The following TTC29 variants were observed in gnomAD, a reference collection of about 807,000 sequenced individuals.
TTC29 encodes the protein tetratricopeptide repeat domain 29.
In TTC29, 49 loss-of-function variants were observed where a neutral mutation model predicts 58.1. The ratio of observed to expected loss-of-function variants is 0.84; its 90% CI spans 0.67 to 1.07. TTC29 has a LOEUF of 1.07. Ranked by LOEUF, TTC29 falls within the 50% of genes least tolerant of loss-of-function variation. TTC29 has a pLI of 0.00. For missense variants in TTC29, 582 were observed against 555.6 expected, an observed-to-expected ratio of 1.05 and a Z score of -0.48; for synonymous variants, 209 against 196.8, an observed-to-expected ratio of 1.06 and a Z score of -0.52.
intron 7 of TTC29, among the ~76,000 whole-genome samples, chr4:146,868,007 G>A (rs1299039525): frequency 6.6e-6 from 1 of 152,060 alleles, no homozygotes; most frequent in East Asian, 1.9e-4. Context: ...ACTGATAATG[G>A]ATAACAACCT....
In TTC29 at chr4:146,774,495, G is replaced by A. The variant is rs552239977; in HGVS notation, c.1330+28962C>T. Among the ~76,000 whole-genome samples, 12 of 152,224 alleles carry A rather than the reference G, an allele frequency of 7.9e-5. No individual in the cohort carries two copies. The South Asian group carries it at 2.5e-3, about 32-fold the overall frequency. ...TCATTGTTTACCCAAAAGTCATTCAGGAGCAGGTTAATTTCCATGTAATTG... is the reference window on the plus strand; with the variant it reads ...TCATTGTTTACCCAAAAGTCATTCAAGAGCAGGTTAATTTCCATGTAATTG... On this transcript the variant is annotated intron_variant, in intron 11 of 12. Transcript: ENST00000325106.
intron 8 of TTC29, among the ~76,000 whole-genome samples, chr4:146,842,556 T>C (rs1236155393): frequency 2.6e-5 from 4 of 151,370 alleles, no homozygotes; most frequent in African/African-American, 9.7e-5. Flanking sequence ...CCAGAAGAGT[T>C]TAAATAAACC....
intron 10 of TTC29, among the ~76,000 whole-genome samples, chr4:146,813,490 A>G (rs1289562241): frequency 6.6e-6 from 1 of 152,218 alleles, no homozygotes; most frequent in African/African-American, 2.4e-5. Flanking sequence ...TCTAATTATA[A>G]TTACTATAAT....
chr4:146,878,379 A>G (rs778474275), intron 6 of TTC29, among the ~76,000 whole-genome samples: 4 of 152,144 alleles, frequency 2.6e-5, no homozygotes, highest in Non-Finnish European at 4.4e-5. Flanking sequence ...CTGAAGGCCT[A>G]TTAGGTGCTA....
At chr4:146,742,527 T>C (rs1303299452) in intron 11 of TTC29, among the ~76,000 whole-genome samples, 2 of 152,142 alleles carry the variant, frequency 1.3e-5, no homozygotes, top group Non-Finnish European at 2.9e-5. Context: ...TGAAAAAAAT[T>C]TGTATTCACA....
chr4:146,824,879 T>G (rs1435478139), intron 9 of TTC29, among the ~76,000 whole-genome samples: 1 of 152,208 alleles, frequency 6.6e-6, no homozygotes, highest in Non-Finnish European at 1.5e-5. Flanking sequence ...ATTTTCTAGT[T>G]TATTTGTGTA....
intron 11 of TTC29, among the ~76,000 whole-genome samples, chr4:146,783,345 T>G (rs914497519): frequency 4.6e-5 from 7 of 151,918 alleles, no homozygotes; most frequent in South Asian, 2.1e-4. Context: ...TCTTCATTTT[T>G]TTTTTTTATG....
intron 11 of TTC29, among the ~76,000 whole-genome samples, chr4:146,755,868 G>A (rs1366988533): frequency 1.3e-5 from 2 of 152,032 alleles, no homozygotes; most frequent in Non-Finnish European, 2.9e-5. Context: ...ATTTTTGGAA[G>A]CTGCAACCCC....
At chr4:146,830,873 T>A (rs1390894738) in intron 9 of TTC29, among the ~76,000 whole-genome samples, 4 of 152,222 alleles carry the variant, frequency 2.6e-5, no homozygotes, top group African/African-American at 9.6e-5. Context: ...AGAATTTACA[T>A]CAAAGCATTT....
intron 10 of TTC29, among the ~76,000 whole-genome samples, chr4:146,806,273 C>T: frequency 6.6e-6 from 1 of 152,314 alleles, no homozygotes; most frequent in South Asian, 2.1e-4. Flanking sequence ...CTAGCTACTG[C>T]AAAAACACCG....
intron 11 of TTC29, among the ~76,000 whole-genome samples, chr4:146,784,048 G>A (rs1432897520): frequency 1.3e-5 from 2 of 151,276 alleles, no homozygotes; most frequent in African/African-American, 4.9e-5. Flanking sequence ...TCTTAACTGA[G>A]AAAGGAGCTA....
intron 5 of TTC29, among the ~76,000 whole-genome samples, chr4:146,908,621 T>C (rs1733683350): frequency 6.6e-6 from 1 of 152,200 alleles, no homozygotes; most frequent in South Asian, 2.1e-4. Flanking sequence ...GTCCACTATC[T>C]AAACTTAGGA....
chr4:146,895,748 T>C (rs1227403523), intron 6 of TTC29, among the ~76,000 whole-genome samples: 1 of 152,202 alleles, frequency 6.6e-6, no homozygotes, highest in Non-Finnish European at 1.5e-5. Flanking sequence ...TTGTTTCTTA[T>C]GAATTTGTTT....
chr4:146,804,360 T>C (rs1750452452), intron 10 of TTC29, among the ~76,000 whole-genome samples: 1 of 151,950 alleles, frequency 6.6e-6, no homozygotes. Flanking sequence ...CACTCCAGTG[T>C]TGCCTGGAAT....
chr4:146,775,541 TTTC>T (rs1177912150), intron 11 of TTC29, among the ~76,000 whole-genome samples: 6 of 151,566 alleles, frequency 4.0e-5, no homozygotes, highest in African/African-American at 1.5e-4. Context: ...TTGGTTGAAA[TTTC>T]TTTTTTTTTT....
rs190711249 is a variant in TTC29 at position 146,823,365 on chromosome 4, T to C, written c.978-3117A>G. Among the ~76,000 whole-genome samples the C allele has an allele frequency of 1.2e-4, 18 of 152,334 alleles. No individual in the cohort carries two copies. The East Asian group carries it at 3.1e-3, about 26-fold the overall frequency. On this transcript the variant is annotated intron_variant, in intron 9 of 12. Coordinates refer to ENST00000325106, the MANE Select transcript of TTC29 (RefSeq NM_031956.4). ...GCACCATTTACTGAATAGGAGATCCTTTCCCCATTGATTGTTTTTGTCAGG... is the reference window on the plus strand; with the variant it reads ...GCACCATTTACTGAATAGGAGATCCCTTCCCCATTGATTGTTTTTGTCAGG...
chr4:146,938,038 T>C (rs1736007051), intron 3 of TTC29, among the ~76,000 whole-genome samples: 1 of 152,168 alleles, frequency 6.6e-6, no homozygotes, highest in Non-Finnish European at 1.5e-5. Flanking sequence ...CACAGAATCC[T>C]GAGCCAAGAA....
At chr4:146,830,767 T>C (rs1425229734) in intron 9 of TTC29, among the ~76,000 whole-genome samples, 1 of 151,940 alleles carries the variant, frequency 6.6e-6, no homozygotes, top group Non-Finnish European at 1.5e-5. Context: ...GTGTTTGTGT[T>C]TATATGTGTG....
At chr4:146,818,745 TATGCAGCCATAAAAA>T (rs1218641577) in intron 10 of TTC29, among the ~76,000 whole-genome samples, 1 of 152,196 alleles carries the variant, frequency 6.6e-6, no homozygotes, top group Non-Finnish European at 1.5e-5. Flanking sequence ...CATGGAATAC[TATGCAGCCATAAAAA>T]ATGAAGAGTT....
Sources: gnomAD v4.1 joint callset for allele counts (sites outside exome capture counted in the v4.1 genomes callset) on GRCh38, gnomAD v4.1.1 for gene constraint, MANE v1.5 for transcripts, NCBI Gene and HGNC (gene_info 2026-07-23, HGNC 2026-07-21) for gene names.